PCDH11X: variants seen among roughly 807,000 people sequenced by gnomAD.
The protein encoded by PCDH11X is protocadherin-11 X-linked.
A neutral mutation model predicts 53.3 loss-of-function variants in PCDH11X; 18 were observed. That is an observed-to-expected ratio of 0.34 (90% CI 0.23 to 0.50). PCDH11X has a LOEUF of 0.50. PCDH11X is among the 20% of genes least tolerant of loss of function. PCDH11X has a pLI of 0.98. For missense variants in PCDH11X, 570 were observed against 1,032.4 expected, an observed-to-expected ratio of 0.55 and a Z score of 6.14; for synonymous variants, 279 against 393.3, an observed-to-expected ratio of 0.71 and a Z score of 3.44.
chrX:92,037,411 A>G (rs35789150), intron 6 of PCDH11X, among the ~76,000 whole-genome samples: 9,805 of 111,475 alleles, frequency 0.088, 418 homozygotes, highest in East Asian at 0.29. Flanking sequence ...ACGGCTGCAT[A>G]GTATTCCATG....
In PCDH11X at chrX:92,495,603, C is replaced by T. The variant is rs1450136101; in HGVS notation, c.3367+27281C>T. Among the ~76,000 whole-genome samples the T allele has an allele frequency of 7.3e-5, 8 of 110,271 alleles. No individual in the cohort carries two copies. The East Asian group carries it at 1.1e-3, about 16-fold the overall frequency. The stretch of plus-strand genomic sequence containing the variant: ...GCAATTTGGCATATCAGTAAACATT[C>T]GAAATTATCACCACTGTATTATTCC... On this transcript the variant is annotated intron_variant, in intron 10 of 10. Coordinates refer to ENST00000682573, the MANE Select transcript of PCDH11X (RefSeq NM_032968.5).
intron 10 of PCDH11X, among the ~76,000 whole-genome samples, chrX:92,563,949 C>G (rs2148765568): frequency 9.0e-6 from 1 of 110,567 alleles, no homozygotes; most frequent in East Asian, 2.8e-4. Flanking sequence ...AGTCAGTATA[C>G]AGAAATCAAT....
chrX:92,147,802 T>C (rs866998436), intron 6 of PCDH11X, among the ~76,000 whole-genome samples: 1 of 84,709 alleles, frequency 1.2e-5, no homozygotes, highest in East Asian at 3.2e-4. Context: ...TCCTTTCTTT[T>C]CTTCCTTCCT....
At chrX:92,213,514 G>A (rs1045356071) in intron 7 of PCDH11X, among the ~76,000 whole-genome samples, 9 of 111,705 alleles carry the variant, frequency 8.1e-5, no homozygotes, top group Non-Finnish European at 1.5e-4. Flanking sequence ...CATGCTGTTT[G>A]TCCAATCGTA....
Position 92,306,638 on chromosome X carries a change from TA to T in PCDH11X, c.3144+43508del, listed in dbSNP as rs1185054790. ...TTGAATCAGTAATAATAATAATAAT[TA>T]AAAAAAAAAAAACAACTCTTGACCA... On this transcript the variant is annotated intron_variant, in intron 8 of 10. Coordinates refer to ENST00000682573, the MANE Select transcript of PCDH11X (RefSeq NM_032968.5). 9.6e-3 allele frequency among the ~76,000 whole-genome samples: 920 copies of T among 95,877 alleles called. 10 individuals carry two copies. Among genetic ancestry groups the T allele is most frequent in the African/African-American group, 0.024 (638 of 26,638 alleles). 83.3% of individuals were successfully genotyped at this position (95,877 alleles called of 115,157 possible). A position where few individuals can be genotyped will look rare whatever the true frequency, so the allele number is the denominator to read the frequency against.
At chrX:92,314,641 A>G (rs1244645051) in intron 8 of PCDH11X, among the ~76,000 whole-genome samples, 1 of 111,311 alleles carries the variant, frequency 9.0e-6, no homozygotes, top group African/African-American at 3.3e-5. Context: ...GCATTGCACT[A>G]CAACATTATG....
intron 6 of PCDH11X, among the ~76,000 whole-genome samples, chrX:91,974,182 G>A (rs192298563): frequency 9.0e-6 from 1 of 110,961 alleles, no homozygotes; most frequent in Admixed American, 9.7e-5. Context: ...TTTATTAATT[G>A]TAGATAAATC....
intron 10 of PCDH11X, among the ~76,000 whole-genome samples, chrX:92,524,351 G>A (rs1381712040): frequency 3.7e-5 from 4 of 108,416 alleles, no homozygotes; most frequent in East Asian, 5.8e-4. Flanking sequence ...TCTACTCTAC[G>A]TCTTTTATCC....
chrX:92,147,984 C>CTTTCTTTCTTTCTTTCTTTCTTT (rs2065322747), intron 6 of PCDH11X, among the ~76,000 whole-genome samples: 1 of 72,125 alleles, frequency 1.4e-5, no homozygotes, highest in African/African-American at 7.9e-5. Context: ...TTCCTTCCTT[C>CTTTCTTTCTTTCTTTCTTTCTTT]CTTTCTTTCT....
At chrX:92,100,641 T>C (rs2064227175) in intron 6 of PCDH11X, among the ~76,000 whole-genome samples, 1 of 111,267 alleles carries the variant, frequency 9.0e-6, no homozygotes, top group Non-Finnish European at 1.9e-5. Flanking sequence ...GTCGTATCCG[T>C]GCAAGTCACA....
chrX:92,437,466 A>G (rs1356724753), intron 9 of PCDH11X, among the ~76,000 whole-genome samples: 1 of 111,739 alleles, frequency 8.9e-6, no homozygotes, highest in South Asian at 3.7e-4. Context: ...ACTTAAATAC[A>G]TAATTGACCT....
chrX:92,172,218 T>C (rs1161239734), intron 6 of PCDH11X, among the ~76,000 whole-genome samples: 1 of 109,148 alleles, frequency 9.2e-6, no homozygotes, highest in African/African-American at 3.3e-5. Flanking sequence ...TTGTTCCTGA[T>C]CTTAGCAAGG....
intron 4 of PCDH11X, among the ~76,000 whole-genome samples, chrX:91,825,406 G>C (rs897220480): frequency 2.0e-4 from 22 of 112,081 alleles, no homozygotes; most frequent in Non-Finnish European, 3.8e-4. Flanking sequence ...CGTCGGAAAA[G>C]CACAGTATTC....
intron 6 of PCDH11X, among the ~76,000 whole-genome samples, chrX:92,091,041 T>A (rs969528603): frequency 3.6e-5 from 4 of 112,151 alleles, no homozygotes; most frequent in Admixed American, 9.5e-5. Flanking sequence ...AGAACCAGGC[T>A]CTTTTGTAAT....
intron 6 of PCDH11X, among the ~76,000 whole-genome samples, chrX:91,973,745 G>C (rs1410660890): frequency 9.6e-6 from 1 of 104,703 alleles, no homozygotes; most frequent in African/African-American, 3.5e-5. Flanking sequence ...CTCCCAAGTA[G>C]CTGGGATTAT....
chrX:92,320,087 A>G (rs983288037), intron 8 of PCDH11X, among the ~76,000 whole-genome samples: 40 of 111,590 alleles, frequency 3.6e-4, no homozygotes, highest in Non-Finnish European at 3.8e-5. Flanking sequence ...CCAGAATCCT[A>G]TATGATATGA....
At chrX:92,228,600 T>A (rs1004400162) in intron 7 of PCDH11X, among the ~76,000 whole-genome samples, 6 of 111,478 alleles carry the variant, frequency 5.4e-5, no homozygotes, top group African/African-American at 2.0e-4. Context: ...TTGCTTTAAG[T>A]CTCACAGTTT....
chrX:92,432,653 A>G, intron 9 of PCDH11X, among the ~76,000 whole-genome samples: 1 of 109,218 alleles, frequency 9.2e-6, no homozygotes, highest in East Asian at 2.9e-4. Context: ...ACTCTGTTAA[A>G]AAGGGGGAGG....
At chrX:92,561,979 C>T (rs2075137289) in intron 10 of PCDH11X, among the ~76,000 whole-genome samples, 2 of 107,424 alleles carry the variant, frequency 1.9e-5, no homozygotes, top group Non-Finnish European at 1.9e-5. Flanking sequence ...TAAAGAAATA[C>T]CAGAGATTGA....
Sources: gnomAD v4.1 joint callset for allele counts (sites outside exome capture counted in the v4.1 genomes callset) on GRCh38, gnomAD v4.1.1 for gene constraint, MANE v1.5 for transcripts, NCBI Gene and HGNC (gene_info 2026-07-23, HGNC 2026-07-21) for gene names.